UROC1: variants seen among roughly 807,000 people sequenced by gnomAD.
The protein encoded by UROC1 is urocanate hydratase.
A neutral mutation model predicts 89.5 loss-of-function variants in UROC1; 79 were observed. The ratio of observed to expected loss-of-function variants is 0.88; its 90% confidence interval spans 0.74 to 1.06. The LOEUF is 1.06. Ranked by LOEUF, UROC1 falls within the 50% of genes least tolerant of loss-of-function variation. UROC1 has a pLI of 0.00. For missense variants in UROC1, 885 were observed against 907.8 expected, an observed-to-expected ratio of 0.97 and a Z score of 0.32; for synonymous variants, 361 against 354.8, an observed-to-expected ratio of 1.02 and a Z score of -0.20.
Position 126,489,365 on chromosome 3 carries a change from A to G in UROC1, c.1619T>C (p.Val540Ala). 6.2e-7 allele frequency: 1 copy of G among 1,612,112 alleles called. No individual in the cohort carries two copies. Among genetic ancestry groups the G allele is most frequent in the Non-Finnish European group, 8.5e-7 (1 of 1,179,920 alleles). ...IACRRIKAPV[V>A]LSRDHHDVSG... ...CACGTCATGGTGATCTCGGCTCAGG[A>G]CCACCGGCGCCTGTGCATGGAAGGA... Residue 540 changes from valine (V) to alanine (A), a missense_variant, in exon 17 of 20, where the codon GTC becomes GCC. Val to Ala is a moderately conservative substitution (Grantham distance 64). Coordinates refer to ENST00000290868, the MANE Select transcript of UROC1 (RefSeq NM_144639.3).
At chr3:126,511,300 C>G (rs1316688248) in intron 1 of UROC1, among the ~76,000 whole-genome samples, 1 of 152,178 alleles carries the variant, frequency 6.6e-6, no homozygotes, top group Admixed American at 6.5e-5. Flanking sequence ...TACCCAGATA[C>G]ATACACCCAT....
intron 1 of UROC1, among the ~76,000 whole-genome samples, chr3:126,513,214 G>A (rs73859507): frequency 0.056 from 8,501 of 152,184 alleles, 724 homozygotes; most frequent in African/African-American, 0.18. Context: ...GTCAGCTTGT[G>A]GGGCAGTAGC....
chr3:126,504,647 G>A (rs1031029227), intron 8 of UROC1, among the ~76,000 whole-genome samples: 7 of 152,176 alleles, frequency 4.6e-5, no homozygotes, highest in East Asian at 1.9e-4. Flanking sequence ...TACACAAGCC[G>A]CTGTAGGTAG....
chr3:126,500,869 C>A lies in UROC1; in HGVS notation c.971G>T (p.Arg324Leu). The change falls in exon 11 of 20, where the codon CGC (arginine) becomes CTC (leucine). Residue 324 changes from arginine to leucine, a missense_variant. Transcript: ENST00000290868. ...CGTCGTGTCCAATTCGTGGACCAGG[C>A]GCTCCCTGGGGAAGCCATGCGGTGG... ...YHGNVVALWE[R>L]LVHELDTTGE... The A allele has an allele frequency of 6.2e-7, 1 of 1,613,636 alleles. No homozygotes were observed. The highest frequency in any genetic ancestry group is 8.5e-7 in the Non-Finnish European group (1 of 1,179,988).
intron 17 of UROC1, among the ~76,000 whole-genome samples, chr3:126,488,760 C>A (rs939801155): frequency 2.6e-5 from 4 of 152,232 alleles, no homozygotes; most frequent in Non-Finnish European, 5.9e-5. Flanking sequence ...GAGCCCAAGC[C>A]GGTCACCTTA....
At chr3:126,483,325 G>T in intron 19 of UROC1, 44 bp downstream of exon 19, 1 of 1,572,106 alleles carries the variant, frequency 6.4e-7, no homozygotes. Flanking sequence ...TCACCCAGCT[G>T]AAGGCCCTGC....
intron 1 of UROC1, among the ~76,000 whole-genome samples, chr3:126,513,736 T>G (rs1425173651): frequency 6.6e-6 from 1 of 152,218 alleles, no homozygotes; most frequent in East Asian, 1.9e-4. Flanking sequence ...TTCTTCCAGC[T>G]GGGCCTCTGC....
intron 1 of UROC1, among the ~76,000 whole-genome samples, chr3:126,514,479 T>G (rs925326197): frequency 6.6e-6 from 1 of 152,114 alleles, no homozygotes; most frequent in Non-Finnish European, 1.5e-5. Flanking sequence ...GTGTCCTGAT[T>G]AACTTGGCAA....
intron 15 of UROC1, among the ~76,000 whole-genome samples, chr3:126,493,814 G>A (rs1935711560): frequency 6.6e-6 from 1 of 152,228 alleles, no homozygotes; most frequent in African/African-American, 2.4e-5. Flanking sequence ...CTGAGGCTGA[G>A]AAACCCTGGT....
At chr3:126,482,602 C>G (rs898214818) in intron 19 of UROC1, 117 bp from the exon 20 acceptor site, 11 of 1,492,164 alleles carry the variant, frequency 7.4e-6, no homozygotes, top group Non-Finnish European at 9.3e-6. Context: ...TCCGTGGGGA[C>G]AGCTGCCCTT....
chr3:126,500,165 C>T lies in UROC1; in HGVS notation c.1146-11G>A, dbSNP rs776563499. Reference sequence around the variant, plus strand: ...ACTTGCCTCCTCAGGCTGCAACAAGCCATGGGTCAGCACCACCGCTGTGAG... The same window carrying T: ...ACTTGCCTCCTCAGGCTGCAACAAGTCATGGGTCAGCACCACCGCTGTGAG... On this transcript the variant is annotated splice_polypyrimidine_tract_variant and intron_variant, in intron 11 of 19. Transcript: ENST00000290868. 6.2e-7 allele frequency: 1 copy of T among 1,613,188 alleles called. No homozygotes were observed. Among genetic ancestry groups the T allele is most frequent in the South Asian group, 1.1e-5 (1 of 91,076 alleles).
At chr3:126,500,593 A>G (rs1387970424) in intron 11 of UROC1, 102 bp downstream of exon 11, 2 of 1,469,738 alleles carry the variant, frequency 1.4e-6, no homozygotes, top group Non-Finnish European at 1.9e-6. Flanking sequence ...GTCTTGCCCA[A>G]GGCCAAGCAG....
chr3:126,504,919 TG>T (rs1936019029), intron 8 of UROC1, among the ~76,000 whole-genome samples: 1 of 152,128 alleles, frequency 6.6e-6, no homozygotes, highest in Non-Finnish European at 1.5e-5. Flanking sequence ...TGGGGCCTGA[TG>T]GGGGGTGTTT....
chr3:126,501,096 G>A (rs755408670), intron 10 of UROC1, 122 bp downstream of exon 10: 11 of 1,230,446 alleles, frequency 8.9e-6, no homozygotes, highest in Admixed American at 1.7e-5. Flanking sequence ...GCCAACAAGG[G>A]TGGCGCTGAA....
chr3:126,500,844 C>A lies in UROC1; in HGVS notation c.996G>T (p.Thr332=), dbSNP rs765847764. 5.6e-6 allele frequency: 9 copies of A among 1,613,778 alleles called. No homozygotes were observed. The highest frequency in any genetic ancestry group is 7.6e-6 in the Non-Finnish European group (9 of 1,180,042). The part of the protein sequence containing the change: ...WERLVHELDT[T]GECLVDLGSD... ...ACCCCAGGTCCACCAAGCACTCCCC[C>A]GTCGTGTCCAATTCGTGGACCAGGC... Residue 332 remains threonine, a synonymous_variant, in exon 11 of 20, where the codon ACG becomes ACT. Transcript: ENST00000290868.
At chr3:126,499,439 C>T in intron 12 of UROC1, 30 bp from the exon 13 acceptor site, 2 of 1,598,378 alleles carry the variant, frequency 1.3e-6, no homozygotes, top group Non-Finnish European at 1.7e-6. Flanking sequence ...AGTCACCACC[C>T]AAGGCAGGAC....
At chr3:126,508,204 A>G in intron 4 of UROC1, 109 bp from the exon 5 acceptor site, 1 of 1,598,008 alleles carries the variant, frequency 6.3e-7, no homozygotes, top group Non-Finnish European at 8.5e-7. Flanking sequence ...CCAGGTCTCC[A>G]TTCCACTCCA....
chr3:126,508,070 G>C lies in UROC1; in HGVS notation c.437C>G (p.Ser146Trp). 2.5e-6 allele frequency: 4 copies of C among 1,613,914 alleles called. No homozygotes were observed. The highest frequency in any genetic ancestry group is 3.4e-6 in the Non-Finnish European group (4 of 1,180,016). The change falls in exon 5 of 20, where the codon TCG becomes TGG. Residue 146 changes from serine (S) to tryptophan (W), a missense_variant. By Grantham distance (177) the Ser-to-Trp change is radical (BLOSUM62 -3). Coordinates refer to ENST00000290868, the MANE Select transcript of UROC1 (RefSeq NM_144639.3). ...AQFWLTMFYL[S>W]KMTEEQTLVM... is the part of the protein sequence containing the mutation. ...CAAAGTCTGCTCCTCTGTCATCTTC[G>C]ACAAGTAGAACATGGTCAGCCAGAA...
At position 126,510,842 on chromosome 3, in the gene UROC1, G is replaced by A. The variant is rs201225099; in HGVS notation, c.127-48C>T. The A allele has an allele frequency of 4.0e-5, 64 of 1,600,270 alleles. No homozygotes were observed. The African/African-American group carries it at 5.1e-4, about 13-fold the overall frequency. On this transcript the variant is annotated intron_variant, in intron 1 of 19. Transcript: ENST00000290868. ...CAGTCGGGGCTGGGACTCCAGGCCC[G>A]GTGTTCTGAGGCCCCGCGATGGGCC...
Sources: gnomAD v4.1 joint callset for allele counts (sites outside exome capture counted in the v4.1 genomes callset) on GRCh38, gnomAD v4.1.1 for gene constraint, MANE v1.5 for transcripts, NCBI Gene and HGNC (gene_info 2026-07-23, HGNC 2026-07-21) for gene names.